ALPP: variants seen among roughly 807,000 people sequenced by gnomAD.
ALPP encodes the protein alkaline phosphatase, placental.
In ALPP, 39 loss-of-function variants were observed where a neutral mutation model predicts 50.7. The ratio of observed to expected loss-of-function variants is 0.77; its 90% CI spans 0.60 to 1.00. The LOEUF is 1.00. ALPP is among the 50% of genes least tolerant of loss of function. ALPP has a pLI of 0.00. For missense variants in ALPP, 550 were observed against 746.8 expected (o/e 0.74, Z 3.07); for synonymous variants, 226 against 320.3 (o/e 0.71, Z 3.14).
chr2:232,379,321 T>A lies in ALPP; in HGVS notation c.309+6T>A, dbSNP rs1290488165. On this transcript the variant is annotated splice_donor_region_variant and intron_variant, in intron 3 of 10. Coordinates refer to ENST00000392027, the MANE Select transcript of ALPP (RefSeq NM_001632.5). ...CATATGTGGCTCTGTCCAAGGTAAGTGCTGGGCTACCTTAGAGTCCTCCAA... is the reference window on the plus strand; with the variant it reads ...CATATGTGGCTCTGTCCAAGGTAAGAGCTGGGCTACCTTAGAGTCCTCCAA... The A allele has an allele frequency of 6.2e-7, 1 of 1,613,872 alleles. No individual in the cohort carries two copies. The highest frequency in any genetic ancestry group is 8.5e-7 in the Non-Finnish European group (1 of 1,179,908).
In ALPP at chr2:232,380,205, G is replaced by A. The variant is rs147969003; in HGVS notation, c.677G>A (p.Arg226Gln). The change falls in exon 6 of 11, where the codon CGA (arginine) becomes CAA (glutamine). Residue 226 changes from arginine to glutamine, a missense_variant. Physicochemically the swap from Arg to Gln is conservative, Grantham distance 43. This residue lies in a region of ALPP where 376 missense variants were observed against 388.5 expected (regional missense o/e 0.97). Coordinates refer to ENST00000392027, the MANE Select transcript of ALPP (RefSeq NM_001632.5). ...TCCCAGGTGATCCTAGGTGGAGGCCGAAAGTACATGTTTCGCATGGGAACC... is the reference window on the plus strand; with the variant it reads ...TCCCAGGTGATCCTAGGTGGAGGCCAAAAGTACATGTTTCGCATGGGAACC... ...MDIDVILGGGRKYMFRMGTPD... is the reference protein window; with the variant it reads ...MDIDVILGGGQKYMFRMGTPD... The A allele has an allele frequency of 2.6e-4, 419 of 1,614,118 alleles. 1 individual carries two copies. The African/African-American group carries it at 4.5e-3, about 18-fold the overall frequency.
At chr2:232,380,059 G>C in intron 5 of ALPP, 123 bp downstream of exon 5, 2 of 1,570,356 alleles carry the variant, frequency 1.3e-6, no homozygotes, top group South Asian at 1.2e-5. Flanking sequence ...GGTTGTGGGC[G>C]TAGAAGGTGC....
Position 232,379,818 on chromosome 2 carries a change from G to A in ALPP, c.539G>A (p.Gly180Asp). ...CGAGTGCAGCACGCCTCGCCAGCCG[G>A]CACCTACGCCCACACGGTGAACCGC... is the stretch of plus-strand genomic sequence containing the variant. ...TTRVQHASPAGTYAHTVNRNW... is the reference protein window; with the variant it reads ...TTRVQHASPADTYAHTVNRNW... Residue 180 changes from glycine to aspartate, a missense_variant, in exon 5 of 11, where the codon GGC becomes GAC. By Grantham distance (94) the Gly-to-Asp change is moderately conservative. Transcript: ENST00000392027. The A allele has an allele frequency of 6.2e-7, 1 of 1,613,902 alleles. No homozygotes were observed.
intron 5 of ALPP, 90 bp from the exon 6 acceptor site, chr2:232,380,096 C>T: frequency 3.1e-6 from 5 of 1,602,214 alleles, no homozygotes; most frequent in Non-Finnish European, 3.4e-6. Context: ...TTCCCACAGC[C>T]TTGGGGAGGG....
At position 232,379,874 on chromosome 2, in the gene ALPP, T is replaced by A; in HGVS notation, c.595T>A (p.Ser199Thr). The change falls in exon 5 of 11, where the codon TCC (serine) becomes ACC (threonine). Residue 199 changes from serine (S) to threonine (T), a missense_variant. Around this residue, in one of 5 missense-constraint regions of ALPP, gnomAD observed 376 missense variants for 388.5 expected, o/e 0.97. Transcript: ENST00000392027. ...GTACTCGGACGCCGACGTGCCTGCC[T>A]CCGCCCGCCAGGAGGGGTGCCAGGA... is the stretch of plus-strand genomic sequence containing the variant. The part of the protein sequence containing the change: ...NWYSDADVPA[S>T]ARQEGCQDIA... The A allele has an allele frequency of 6.2e-7, 1 of 1,613,194 alleles. No individual in the cohort carries two copies. The highest frequency in any genetic ancestry group is 8.5e-7 in the Non-Finnish European group (1 of 1,179,812).
chr2:232,379,433 T>A (rs1475426878), intron 3 of ALPP, 80 bp from the exon 4 acceptor site: 2 of 1,595,534 alleles, frequency 1.3e-6, no homozygotes, highest in Non-Finnish European at 1.7e-6. Context: ...TAGAGGCAGT[T>A]GGAATCCCAG....
chr2:232,379,729 C>T lies in ALPP; in HGVS notation c.485-35C>T, dbSNP rs146262447. 359 of 1,613,974 alleles carry T rather than the reference C, an allele frequency of 2.2e-4. 1 individual carries two copies. The African/African-American group carries it at 3.7e-3, about 17-fold the overall frequency. ...TGCTGGGTCACGGCCAGGTCACAGA[C>T]GTTGGTCACATATACTGACCTCTGA... On this transcript the variant is annotated intron_variant, in intron 4 of 10. Coordinates refer to ENST00000392027, the MANE Select transcript of ALPP (RefSeq NM_001632.5).
chr2:232,380,661 C>G lies in ALPP; in HGVS notation c.904C>G (p.Arg302Gly). The G allele has an allele frequency of 6.2e-7, 1 of 1,613,706 alleles. No individual in the cohort carries two copies. Reference protein sequence around the residue: ...EPGDMKYEIHRDSTLDPSLME... With the variant: ...EPGDMKYEIHGDSTLDPSLME... ...TGGAGACATGAAATACGAGATCCAC[C>G]GAGACTCCACACTGGACCCCTCCCT... The change falls in exon 8 of 11, where the codon CGA becomes GGA. Residue 302 changes from arginine (R) to glycine (G), a missense_variant. Arg to Gly is a moderately radical substitution (Grantham distance 125). This residue lies in a region of ALPP where 8 missense variants were observed against 21.8 expected (regional missense o/e 0.37). Coordinates refer to ENST00000392027, the MANE Select transcript of ALPP (RefSeq NM_001632.5).
rs1575045535 is a variant in ALPP, at chr2:232,380,448, A to G, written c.821A>G (p.Glu274Gly). The change falls in exon 7 of 11, where the codon GAG becomes GGG. Residue 274 changes from glutamate to glycine, a missense_variant. Glu to Gly is a moderately conservative substitution (Grantham distance 98). This residue lies in a region of ALPP where 376 missense variants were observed against 388.5 expected (regional missense o/e 0.97). Transcript: ENST00000392027. ...QGARYVWNRT[E>G]LMQASLDPSV... Reference sequence around the variant, plus strand: ...GCCCGGTATGTGTGGAACCGCACTGAGCTCATGCAGGCTTCCCTGGACCCG... The same window carrying G: ...GCCCGGTATGTGTGGAACCGCACTGGGCTCATGCAGGCTTCCCTGGACCCG... 1.2e-6 allele frequency: 2 copies of G among 1,613,604 alleles called. No homozygotes were observed. The highest frequency in any genetic ancestry group is 1.7e-6 in the Non-Finnish European group (2 of 1,179,958).
chr2:232,381,163 T>C lies in ALPP; in HGVS notation c.1193-88T>C. ...TAGGGTCTCCTGAGGACTAAGCCCC[T>C]GACCAGGCAAAACGTGGCGGTGCCT... On this transcript the variant is annotated intron_variant, in intron 9 of 10. Coordinates refer to ENST00000392027, the MANE Select transcript of ALPP (RefSeq NM_001632.5). 2.5e-6 allele frequency: 4 copies of C among 1,606,758 alleles called. No individual in the cohort carries two copies. The Admixed American group carries it at 5.0e-5, about 20-fold the overall frequency.
In ALPP at chr2:232,379,617, C is replaced by G. The variant is rs1209702299; in HGVS notation, c.414C>G (p.Ala138=). 17 of 1,613,998 alleles carry G rather than the reference C, an allele frequency of 1.1e-5. No individual in the cohort carries two copies. Among genetic ancestry groups the G allele is most frequent in the Non-Finnish European group, 1.4e-5 (17 of 1,180,006 alleles). The change falls in exon 4 of 11, where the codon GCC becomes GCG. Residue 138 remains alanine, a synonymous_variant. Transcript: ENST00000392027. ...AGACCATTGGCTTGAGTGCAGCCGCCCGCTTTAACCAGTGCAACACGACAC... is the reference window on the plus strand; with the variant it reads ...AGACCATTGGCTTGAGTGCAGCCGCGCGCTTTAACCAGTGCAACACGACAC... The part of the protein sequence containing the change: ...NFQTIGLSAA[A]RFNQCNTTRG...
In ALPP at chr2:232,382,844, A is replaced by T. The variant is rs1417105208; in HGVS notation, c.*1049A>T. 2.6e-5 allele frequency: 4 copies of T among 152,208 alleles called. No homozygotes were observed. The East Asian group carries it at 7.7e-4, about 29-fold the overall frequency. 9.4% of individuals were successfully genotyped at this position (152,208 alleles called of 1,614,324 possible). On this transcript the variant is annotated 3_prime_UTR_variant, in exon 11 of 11. Coordinates refer to ENST00000392027, the MANE Select transcript of ALPP (RefSeq NM_001632.5). ...TTCTGCCTCAAAAATAAACAAATAA[A>T]TTTTAAAAATAAATAAATAATAAAA...
intron 2 of ALPP, 43 bp from the exon 3 acceptor site, chr2:232,379,157 G>A (rs767453493): frequency 6.2e-7 from 1 of 1,614,076 alleles, no homozygotes; most frequent in Admixed American, 1.7e-5. Context: ...GTGGTTCCAG[G>A]AGAGCCCTGG....
chr2:232,380,038 T>A (rs1357670340), intron 5 of ALPP, 102 bp downstream of exon 5: 14 of 1,562,264 alleles, frequency 9.0e-6, no homozygotes, highest in Non-Finnish European at 1.2e-5. Context: ...GCCAGCAGGG[T>A]CTGGAGGTGG....
chr2:232,381,468 C>A, intron 10 of ALPP, 29 bp from the exon 11 acceptor site: 2 of 1,612,644 alleles, frequency 1.2e-6, no homozygotes, highest in Non-Finnish European at 1.7e-6. Flanking sequence ...TGAATGAACC[C>A]TCCTACCGGA....
chr2:232,378,942 G>C (rs111848324), intron 1 of ALPP, 29 bp from the exon 2 acceptor site: 5 of 1,614,116 alleles, frequency 3.1e-6, no homozygotes, highest in African/African-American at 2.7e-5. Flanking sequence ...AGCCCAGGCT[G>C]ACCTGATTTT....
Position 232,381,801 on chromosome 2 carries a change from C to T in ALPP, c.*6C>T. On this transcript the variant is annotated 3_prime_UTR_variant, in exon 11 of 11. Transcript: ENST00000392027. ...AGACGGCCACTGCTCCCTGAGTGTCCCGTCCCTGGGGCTCCTGCTTCCCCA... is the reference window on the plus strand; with the variant it reads ...AGACGGCCACTGCTCCCTGAGTGTCTCGTCCCTGGGGCTCCTGCTTCCCCA... 6.4e-7 allele frequency: 1 copy of T among 1,565,266 alleles called. No homozygotes were observed. The highest frequency in any genetic ancestry group is 8.6e-7 in the Non-Finnish European group (1 of 1,161,098).
chr2:232,379,372 G>C, intron 3 of ALPP, 57 bp downstream of exon 3: 1 of 1,602,666 alleles, frequency 6.2e-7, no homozygotes, highest in South Asian at 1.1e-5. Flanking sequence ...CCTGGCTATG[G>C]AGTGTGGTAG....
At chr2:232,380,536 G>C (rs956463130) in intron 7 of ALPP, 44 bp downstream of exon 7, 2 of 1,613,884 alleles carry the variant, frequency 1.2e-6, no homozygotes, top group African/African-American at 2.7e-5. Context: ...GATGGCCTCA[G>C]ATGGCACCTT....
Sources: allele counts gnomAD v4.1 joint callset, GRCh38; gene constraint gnomAD v4.1.1; regional missense constraint gnomAD v4.1.1; transcripts MANE v1.5; gene names NCBI Gene and HGNC (gene_info 2026-07-23, HGNC 2026-07-21).